The following STK3 variants were observed in gnomAD, a reference collection of about 807,000 sequenced individuals.
The protein encoded by STK3 is serine/threonine kinase 3.
Under a neutral mutation model 58.0 loss-of-function variants are expected in STK3, and 41 were observed. The observed-to-expected ratio is 0.71, with a 90% CI of 0.55 to 0.92. The LOEUF is 0.92. Ranked by LOEUF, STK3 falls within the 40% of genes least tolerant of loss-of-function variation. The pLI, the probability that STK3 is intolerant of heterozygous loss-of-function variation, is 0.00. For synonymous variants in STK3, 170 were observed against 191.0 expected (o/e 0.89, Z 0.91); for missense variants, 479 against 602.7 (o/e 0.79, Z 2.15).
chr8:98,694,642 T>C (rs1351311663), intron 6 of STK3, among the ~76,000 whole-genome samples: 1 of 152,218 alleles, frequency 6.6e-6, no homozygotes, highest in African/African-American at 2.4e-5. Context: ...AGAATCATGA[T>C]TTCCAACTTC....
In STK3 at chr8:98,891,537, T is replaced by C. The variant is rs189337846; in HGVS notation, c.-78-7703A>G. The stretch of plus-strand genomic sequence containing the variant: ...ACTCTTGATATGTACATAGCAGGGA[T>C]TGCAATTTAGGTTGCCTGGGGTTTT... On this transcript the variant is annotated intron_variant, in intron 1 of 1. Coordinates refer to the STK3 transcript ENST00000519420. 2.2e-3 allele frequency among the ~76,000 whole-genome samples: 335 copies of C among 152,282 alleles called. 1 individual carries two copies. Among genetic ancestry groups the C allele is most frequent in the African/African-American group, 7.7e-3 (319 of 41,562 alleles).
chr8:98,475,380 C>G (rs534342094), intron 10 of STK3, among the ~76,000 whole-genome samples: 1 of 152,282 alleles, frequency 6.6e-6, no homozygotes, highest in South Asian at 2.1e-4. Flanking sequence ...GCAGTGACAA[C>G]AGAGATGGCC....
chr8:98,353,885 G>T, the STK3 span, among the ~76,000 whole-genome samples: 1 of 152,104 alleles, frequency 6.6e-6, no homozygotes, highest in African/African-American at 2.4e-5. Flanking sequence ...TGGGCAGACA[G>T]AAATAATAGT....
intron 1 of STK3, among the ~76,000 whole-genome samples, chr8:98,805,227 G>A (rs1022373567): frequency 3.9e-5 from 6 of 152,196 alleles, no homozygotes; most frequent in African/African-American, 1.4e-4. Flanking sequence ...AGCCTAGCCA[G>A]AGTGAACTAC....
chr8:98,747,037 G>A (rs1229202026), intron 4 of STK3, among the ~76,000 whole-genome samples: 2 of 145,222 alleles, frequency 1.4e-5, no homozygotes, highest in Non-Finnish European at 3.0e-5. Context: ...GCGAGAACCT[G>A]TCTCAGAAAA....
chr8:98,604,664 G>T (rs1007088883), intron 6 of STK3, among the ~76,000 whole-genome samples: 7 of 152,140 alleles, frequency 4.6e-5, no homozygotes, highest in Admixed American at 4.6e-4. Flanking sequence ...AGTCTCAACT[G>T]TTGCCTTCCT....
chr8:98,459,853 G>A (rs1194706816), intron 10 of STK3, among the ~76,000 whole-genome samples: 1 of 152,238 alleles, frequency 6.6e-6, no homozygotes, highest in East Asian at 1.9e-4. Context: ...GACTTCAGAG[G>A]ATGTAATGGA....
chr8:98,935,729 G>A (rs1354230478), intron 1 of STK3, among the ~76,000 whole-genome samples: 4 of 152,002 alleles, frequency 2.6e-5, no homozygotes, highest in Admixed American at 6.6e-5. Context: ...AGCTTAAATT[G>A]TATACTCTTG....
chr8:98,514,622 T>A (rs1824787746), intron 10 of STK3, among the ~76,000 whole-genome samples: 1 of 151,906 alleles, frequency 6.6e-6, no homozygotes, highest in African/African-American at 2.4e-5. Flanking sequence ...TAAGCTTGGT[T>A]CAATATATCC....
chr8:98,832,356 T>C lies in STK3; in HGVS notation c.110+51291A>G, dbSNP rs190080419. 2.9e-4 allele frequency among the ~76,000 whole-genome samples: 44 copies of C among 151,892 alleles called. No homozygotes were observed. The East Asian group carries it at 6.6e-3, about 23-fold the overall frequency. ...ATATTATATATGTCCCATGTTCACTTTGGGGTGGAGATTTAACATTTACAT... is the reference window on the plus strand; with the variant it reads ...ATATTATATATGTCCCATGTTCACTCTGGGGTGGAGATTTAACATTTACAT... On this transcript the variant is annotated intron_variant, in intron 3 of 12. Transcript: ENST00000523601.
At chr8:98,835,194 A>AT (rs1231320934) in intron 3 of STK3, among the ~76,000 whole-genome samples, 1 of 152,030 alleles carries the variant, frequency 6.6e-6, no homozygotes. Flanking sequence ...ACTCTGAGCT[A>AT]TTTTTCTTTT....
chr8:98,815,309 C>T (rs1276531806), intron 1 of STK3, among the ~76,000 whole-genome samples: 1 of 152,080 alleles, frequency 6.6e-6, no homozygotes, highest in African/African-American at 2.4e-5. Flanking sequence ...GGCAGAATAT[C>T]CATAGTTTGA....
intron 1 of STK3, among the ~76,000 whole-genome samples, chr8:98,798,981 G>A (rs1833351356): frequency 1.3e-5 from 2 of 152,196 alleles, no homozygotes; most frequent in African/African-American, 4.8e-5. Flanking sequence ...GCAGAGAGCA[G>A]CCCTTATTGG....
chr8:98,706,662 G>A, intron 5 of STK3, 28 bp from the exon 6 acceptor site: 1 of 1,516,274 alleles, frequency 6.6e-7, no homozygotes, highest in Non-Finnish European at 8.8e-7. Flanking sequence ...AGCCATAAAT[G>A]CTACTACAAA....
chr8:98,891,422 G>A (rs1188143075), intron 1 of STK3, among the ~76,000 whole-genome samples: 2 of 152,090 alleles, frequency 1.3e-5, no homozygotes, highest in Non-Finnish European at 2.9e-5. Context: ...AAATTATAAC[G>A]AGAACTTTTA....
chr8:98,856,711 C>A (rs1374269366), intron 3 of STK3, among the ~76,000 whole-genome samples: 2 of 152,144 alleles, frequency 1.3e-5, no homozygotes, highest in Non-Finnish European at 2.9e-5. Flanking sequence ...TAGGTATATG[C>A]CCAAGAGAAA....
At chr8:98,358,245 G>T in the STK3 span, among the ~76,000 whole-genome samples, 15 of 152,310 alleles carry the variant, frequency 9.8e-5, no homozygotes, top group African/African-American at 2.4e-4. Context: ...GGCAATTGGG[G>T]CCAAGGTGCA....
chr8:98,694,803 A>G (rs1272755076), intron 6 of STK3, among the ~76,000 whole-genome samples: 2 of 152,214 alleles, frequency 1.3e-5, no homozygotes, highest in Non-Finnish European at 2.9e-5. Context: ...TAGTGCCACA[A>G]TAAACATACG....
chr8:98,736,299 G>C (rs1828590349), intron 4 of STK3, among the ~76,000 whole-genome samples: 1 of 152,142 alleles, frequency 6.6e-6, no homozygotes, highest in African/African-American at 2.4e-5. Flanking sequence ...ACTAGGCAAA[G>C]ACTGGGGGTA....
Sources: allele counts gnomAD v4.1 joint callset (sites outside exome capture counted in the v4.1 genomes callset), GRCh38; gene constraint gnomAD v4.1.1; transcripts MANE v1.5; gene names NCBI Gene and HGNC (gene_info 2026-07-23, HGNC 2026-07-21).